Variants in UGP2 observed in about 807,000 individuals in gnomAD.
UGP2 encodes the protein UDP-glucose pyrophosphorylase 2, also known as UTP--glucose-1-phosphate uridylyltransferase.
Under a neutral mutation model 49.0 loss-of-function variants are expected in UGP2, and 40 were observed. That is an observed-to-expected ratio of 0.82 (90% CI 0.63 to 1.06). UGP2 has a LOEUF of 1.06. Ranked by LOEUF, UGP2 falls within the 50% of genes least tolerant of loss-of-function variation. The pLI, the probability that UGP2 is intolerant of heterozygous loss-of-function variation, is 0.00. For synonymous variants in UGP2, 225 were observed against 213.0 expected, an observed-to-expected ratio of 1.06 and a Z score of -0.49; for missense variants, 460 against 603.5, an observed-to-expected ratio of 0.76 and a Z score of 2.49.
At chr2:63,866,934 C>T (rs995216832) in intron 3 of UGP2, among the ~76,000 whole-genome samples, 1 of 152,090 alleles carries the variant, frequency 6.6e-6, no homozygotes, top group Non-Finnish European at 1.5e-5. Context: ...ACAGATTTCT[C>T]GTGGTTCTTG....
Position 63,891,316 on chromosome 2 carries a change from T to C in UGP2, c.*89T>C. The C allele has an allele frequency of 1.8e-6, 2 of 1,085,080 alleles. No homozygotes were observed. Among genetic ancestry groups the C allele is most frequent in the African/African-American group, 1.6e-5 (1 of 63,208 alleles). The allele number at this position is 1,085,080 out of a possible 1,614,324, so 67.2% of individuals were successfully genotyped here. A position where few individuals can be genotyped will look rare whatever the true frequency, so the allele number is the denominator to read the frequency against. ...ATTCTAAAATAGGCAGGTACTTTAC[T>C]ATGTTACTGTACCCTGCAGTGTTGA... is the stretch of plus-strand genomic sequence containing the variant. On this transcript the variant is annotated 3_prime_UTR_variant, in exon 10 of 10. Coordinates refer to ENST00000337130, the MANE Select transcript of UGP2 (RefSeq NM_006759.4).
chr2:63,845,026 A>G (rs1361731204), intron 1 of UGP2, among the ~76,000 whole-genome samples: 1 of 152,256 alleles, frequency 6.6e-6, no homozygotes, highest in Non-Finnish European at 1.5e-5. Flanking sequence ...AGTGTTTTGT[A>G]AGTGGACGAT....
chr2:63,855,520 G>GTTTTTTTTTTTTTTTTTTTCTT (rs1669337259), intron 1 of UGP2: 3 of 194,312 alleles, frequency 1.5e-5, no homozygotes, highest in South Asian at 8.2e-5. Context: ...TTCTTTTTCT[G>GTTTTTTTTTTTTTTTTTTTCTT]TTTTTTTTTT....
chr2:63,875,495 G>C (rs1259311531), intron 3 of UGP2, among the ~76,000 whole-genome samples: 1 of 152,190 alleles, frequency 6.6e-6, no homozygotes, highest in Non-Finnish European at 1.5e-5. Context: ...TGGAAACTAA[G>C]TTGTGAACAA....
chr2:63,873,942 A>G (rs1670738281), intron 3 of UGP2, among the ~76,000 whole-genome samples: 1 of 152,166 alleles, frequency 6.6e-6, no homozygotes, highest in South Asian at 2.1e-4. Context: ...CATTGTCCAG[A>G]TGGCCACCAG....
At position 63,883,982 on chromosome 2, in the gene UGP2, C is replaced by G; in HGVS notation, c.464C>G (p.Thr155Arg). The change falls in exon 5 of 10, where the codon ACA (threonine) becomes AGA (arginine). Residue 155 changes from threonine (T) to arginine (R), a missense_variant. Transcript: ENST00000337130. ...TAGCATTTGAATAAAACCTACAATACAGATGTTCCTCTTGTTTTAATGAAC... is the reference window on the plus strand; with the variant it reads ...TAGCATTTGAATAAAACCTACAATAGAGATGTTCCTCTTGTTTTAATGAAC... ...QIEHLNKTYN[T>R]DVPLVLMNSF... The G allele has an allele frequency of 6.2e-7, 1 of 1,612,084 alleles. No homozygotes were observed. Among genetic ancestry groups the G allele is most frequent in the Non-Finnish European group, 8.5e-7 (1 of 1,179,494 alleles).
intron 3 of UGP2, chr2:63,862,995 C>G (rs1280669637): frequency 2.7e-6 from 1 of 376,214 alleles, no homozygotes; most frequent in Non-Finnish European, 5.2e-6. Flanking sequence ...TACCTTTGTC[C>G]TTTCTAATCA....
intron 3 of UGP2, among the ~76,000 whole-genome samples, chr2:63,876,440 G>C (rs891282344): frequency 2.0e-5 from 3 of 152,196 alleles, no homozygotes; most frequent in African/African-American, 7.2e-5. Flanking sequence ...GCTTCCAACA[G>C]TAACGTTATC....
chr2:63,877,048 T>C (rs562147641), intron 3 of UGP2, among the ~76,000 whole-genome samples: 2 of 152,358 alleles, frequency 1.3e-5, no homozygotes, highest in East Asian at 3.9e-4. Context: ...GTTTTTGGGA[T>C]AACAAAGAAA....
chr2:63,847,993 G>A (rs974285754), intron 1 of UGP2, among the ~76,000 whole-genome samples: 3 of 152,196 alleles, frequency 2.0e-5, no homozygotes, highest in Non-Finnish European at 4.4e-5. Context: ...AGTCAACCTG[G>A]ATTATCTGTG....
At chr2:63,856,895 A>C in intron 2 of UGP2, 1 of 439,594 alleles carries the variant, frequency 2.3e-6, no homozygotes, top group Non-Finnish European at 4.5e-6. Context: ...TAGTATTTTC[A>C]TTTTTATATT....
intron 1 of UGP2, 59 bp from the exon 2 acceptor site, chr2:63,856,247 C>G: frequency 6.3e-7 from 1 of 1,577,304 alleles, no homozygotes; most frequent in Admixed American, 1.8e-5. Flanking sequence ...TATAGCTTAC[C>G]AGCTGTTTGA....
rs1390969826 is a variant in UGP2, at chr2:63,891,096, TCTTTTGTTTTCCCTGTC to T, written c.1420-23_1420-7del. Reference sequence around the variant, plus strand: ...AATTGCATTTCAGTTGCAAGTACACTCTTTTGTTTTCCCTGTCACTTAGGGAACGGTTATCATCATTG... The same window carrying T: ...AATTGCATTTCAGTTGCAAGTACACTACTTAGGGAACGGTTATCATCATTG... On this transcript the variant is annotated splice_region_variant and splice_polypyrimidine_tract_variant and intron_variant, in intron 9 of 9. Coordinates refer to ENST00000337130, the MANE Select transcript of UGP2 (RefSeq NM_006759.4). 1.9e-6 allele frequency: 3 copies of T among 1,595,226 alleles called. No individual in the cohort carries two copies. The African/African-American group carries it at 4.0e-5, about 21-fold the overall frequency.
intron 3 of UGP2, among the ~76,000 whole-genome samples, chr2:63,871,308 T>A (rs558529585): frequency 2.6e-5 from 4 of 152,146 alleles, no homozygotes; most frequent in African/African-American, 4.8e-5. Context: ...CTTTTTTTTT[T>A]CCTCCTTGCT....
intron 8 of UGP2, chr2:63,888,224 C>A: frequency 6.5e-6 from 1 of 154,116 alleles, no homozygotes; most frequent in South Asian, 2.0e-4. Context: ...TTGATTGAGT[C>A]TGACAAATCG....
intron 1 of UGP2, chr2:63,842,625 A>C: frequency 6.9e-7 from 1 of 1,441,686 alleles, no homozygotes. Flanking sequence ...ACTGTTGGGG[A>C]AGCTTTAGTG....
intron 1 of UGP2, among the ~76,000 whole-genome samples, chr2:63,849,223 T>C (rs1412296248): frequency 6.6e-6 from 1 of 152,244 alleles, no homozygotes; most frequent in Non-Finnish European, 1.5e-5. Context: ...CCTTTTTACT[T>C]GCTAGTCAAC....
chr2:63,890,579 CATGTA>C (rs1441205898), intron 9 of UGP2, among the ~76,000 whole-genome samples: 4 of 152,072 alleles, frequency 2.6e-5, no homozygotes, highest in Non-Finnish European at 5.9e-5. Context: ...TTTTCCAAAT[CATGTA>C]ATTTTTTAAA....
At chr2:63,844,356 ATT>A (rs1671783652) in intron 1 of UGP2, among the ~76,000 whole-genome samples, 1 of 152,208 alleles carries the variant, frequency 6.6e-6, no homozygotes, top group African/African-American at 2.4e-5. Context: ...TGCAGAAAAT[ATT>A]GATATTTCCA....
Sources: gnomAD v4.1 joint callset for allele counts (sites outside exome capture counted in the v4.1 genomes callset) on GRCh38, gnomAD v4.1.1 for gene constraint, MANE v1.5 for transcripts, NCBI Gene and HGNC (gene_info 2026-07-23, HGNC 2026-07-21) for gene names.